The following MUSK variants were observed in gnomAD, a reference collection of about 807,000 sequenced individuals.
The protein encoded by MUSK is muscle, skeletal receptor tyrosine-protein kinase.
Under a neutral mutation model 88.7 loss-of-function variants are expected in MUSK, and 55 were observed. The observed-to-expected ratio is 0.62, with a 90% CI of 0.50 to 0.78. The LOEUF (loss-of-function observed/expected upper bound fraction) is 0.78. Ranked by LOEUF, MUSK falls within the 30% of genes least tolerant of loss-of-function variation. The pLI is 0.00. For synonymous variants in MUSK, 387 were observed against 391.9 expected (o/e 0.99, Z 0.15); for missense variants, 1,015 against 1,074.3 (o/e 0.94, Z 0.77).
intron 11 of MUSK, among the ~76,000 whole-genome samples, chr9:110,781,672 A>G (rs1306957149): frequency 1.3e-5 from 2 of 152,198 alleles, no homozygotes; most frequent in Admixed American, 6.5e-5. Context: ...TCTGGAGTCC[A>G]AGAAGTCCAA....
chr9:110,676,989 T>C (rs2076039577), intron 1 of MUSK, among the ~76,000 whole-genome samples: 1 of 152,208 alleles, frequency 6.6e-6, no homozygotes, highest in South Asian at 2.1e-4. Flanking sequence ...TGCATCCATC[T>C]TGTCCTCCTT....
intron 7 of MUSK, among the ~76,000 whole-genome samples, chr9:110,755,988 A>G (rs978756183): frequency 2.8e-5 from 4 of 143,248 alleles, no homozygotes; most frequent in Non-Finnish European, 4.5e-5. Context: ...ACATATATAT[A>G]TATATATATG....
Position 110,697,345 on chromosome 9 carries a change from T to C in MUSK, c.507T>C (p.Val169=). The part of the protein sequence containing the change: ...SPLRENSRIA[V]LESGSLRIHN... ...GGCAGGAAAATTCCCGAATTGCAGTTCTTGAATCTGGGAGCTTGAGGATTC... is the reference window on the plus strand; with the variant it reads ...GGCAGGAAAATTCCCGAATTGCAGTCCTTGAATCTGGGAGCTTGAGGATTC... The change falls in exon 5 of 15, where the codon GTT becomes GTC. Residue 169 remains valine, a synonymous_variant. Coordinates refer to ENST00000374448, the MANE Select transcript of MUSK (RefSeq NM_005592.4). The C allele has an allele frequency of 6.2e-7, 1 of 1,612,892 alleles. No individual in the cohort carries two copies. Among genetic ancestry groups the C allele is most frequent in the Non-Finnish European group, 8.5e-7 (1 of 1,179,252 alleles).
intron 5 of MUSK, among the ~76,000 whole-genome samples, chr9:110,701,345 G>A (rs2076497554): frequency 6.6e-6 from 1 of 152,130 alleles, no homozygotes; most frequent in Non-Finnish European, 1.5e-5. Context: ...CATAAATGTT[G>A]GAGTTTTGTC....
Position 110,689,238 on chromosome 9 carries a change from AATAT to A in MUSK, c.358+1974_358+1977del, listed in dbSNP as rs369000848. Among the ~76,000 whole-genome samples the A allele has an allele frequency of 7.2e-3, 320 of 44,742 alleles. 1 individual carries two copies. The highest frequency in any genetic ancestry group is 0.047 in the African/African-American group (247 of 5,206). 29.4% of individuals were successfully genotyped at this position (44,742 alleles called of 152,430 possible). A position where few individuals can be genotyped will look rare whatever the true frequency, so the allele number is the denominator to read the frequency against. ...ATAATATATAATATATAAATATATAAATATATAAACTATATATTTATATATTGTA... is the reference window on the plus strand; with the variant it reads ...ATAATATATAATATATAAATATATAAATAAACTATATATTTATATATTGTA... On this transcript the variant is annotated intron_variant, in intron 3 of 14. Coordinates refer to ENST00000374448, the MANE Select transcript of MUSK (RefSeq NM_005592.4).
chr9:110,724,148 G>C (rs565019073), intron 5 of MUSK, among the ~76,000 whole-genome samples: 1 of 151,894 alleles, frequency 6.6e-6, no homozygotes, highest in East Asian at 1.9e-4. Context: ...AATTTTGCCT[G>C]TTTGTTTTAT....
chr9:110,776,051 T>C (rs1244814344), intron 10 of MUSK, 88 bp downstream of exon 10: 19 of 1,407,444 alleles, frequency 1.3e-5, no homozygotes, highest in South Asian at 3.0e-5. Context: ...GCTTCTAATA[T>C]TTCTAGGCAT....
chr9:110,694,407 C>CAA lies in MUSK; in HGVS notation c.359-990_359-989dup, dbSNP rs1206302969. On this transcript the variant is annotated intron_variant, in intron 3 of 14. Coordinates refer to ENST00000374448, the MANE Select transcript of MUSK (RefSeq NM_005592.4). ...TCTCAAAAAAAAAAAAAAAAAAAAA[C>CAA]AAAAAAACAAAACCCAACAGGTCAT... 3.8e-3 allele frequency among the ~76,000 whole-genome samples: 402 copies of CAA among 105,370 alleles called. 1 individual carries two copies. Among genetic ancestry groups the CAA allele is most frequent in the African/African-American group, 0.014 (372 of 26,984 alleles). 69.1% of individuals were successfully genotyped at this position (105,370 alleles called of 152,430 possible).
At chr9:110,736,814 G>A (rs1587973747) in intron 6 of MUSK, among the ~76,000 whole-genome samples, 1 of 152,154 alleles carries the variant, frequency 6.6e-6, no homozygotes, top group African/African-American at 2.4e-5. Context: ...AGGGACAAGA[G>A]GTTACTGCTA....
At chr9:110,727,673 CA>C (rs2076905616) in intron 5 of MUSK, 1 of 182,432 alleles carries the variant, frequency 5.5e-6, no homozygotes, top group Non-Finnish European at 1.2e-5. Flanking sequence ...TTCAGGTCCA[CA>C]AACTCAGGCT....
At chr9:110,782,616 A>G (rs900414856) in intron 11 of MUSK, among the ~76,000 whole-genome samples, 1 of 152,204 alleles carries the variant, frequency 6.6e-6, no homozygotes, top group Non-Finnish European at 1.5e-5. Context: ...AACTCCAAAT[A>G]CAAAAATAGT....
chr9:110,781,300 G>T (rs933029490), intron 11 of MUSK, among the ~76,000 whole-genome samples: 2 of 150,504 alleles, frequency 1.3e-5, no homozygotes, highest in African/African-American at 5.0e-5. Flanking sequence ...TGTTTGAGAC[G>T]GAGTCTCACT....
intron 11 of MUSK, among the ~76,000 whole-genome samples, chr9:110,777,266 G>C (rs2077685788): frequency 6.6e-6 from 1 of 152,114 alleles, no homozygotes; most frequent in African/African-American, 2.4e-5. Context: ...GAAATCCTCA[G>C]GATGAAATTA....
intron 8 of MUSK, among the ~76,000 whole-genome samples, chr9:110,765,947 G>C (rs1411200776): frequency 1.3e-5 from 2 of 151,974 alleles, no homozygotes; most frequent in Non-Finnish European, 2.9e-5. Flanking sequence ...GACACAAAGG[G>C]TATGATCTAA....
intron 1 of MUSK, among the ~76,000 whole-genome samples, chr9:110,676,570 G>A (rs1000190299): frequency 6.6e-6 from 1 of 151,874 alleles, no homozygotes; most frequent in Non-Finnish European, 1.5e-5. Flanking sequence ...CCTGCTGACA[G>A]GCCCCAGTGT....
chr9:110,684,291 A>G (rs2076167325), intron 2 of MUSK, among the ~76,000 whole-genome samples: 1 of 151,988 alleles, frequency 6.6e-6, no homozygotes, highest in Admixed American at 6.6e-5. Context: ...AAATGAGTTC[A>G]CTGCAGGTGC....
At chr9:110,754,404 T>A (rs2077285722) in intron 7 of MUSK, among the ~76,000 whole-genome samples, 1 of 152,220 alleles carries the variant, frequency 6.6e-6, no homozygotes, top group Non-Finnish European at 1.5e-5. Context: ...ATTTTGAGAA[T>A]TTTTTAAAAT....
intron 5 of MUSK, among the ~76,000 whole-genome samples, chr9:110,707,148 G>A (rs1253069531): frequency 1.3e-5 from 2 of 152,228 alleles, no homozygotes; most frequent in South Asian, 4.2e-4. Flanking sequence ...CCAGGAGTTC[G>A]AGACAAGCCT....
At chr9:110,797,281 A>T (rs1002419005) in intron 14 of MUSK, among the ~76,000 whole-genome samples, 2 of 128,750 alleles carry the variant, frequency 1.6e-5, no homozygotes, top group African/African-American at 5.3e-5. Context: ...CACAAATAAA[A>T]AACAAACAAA....
Sources: allele counts gnomAD v4.1 joint callset (sites outside exome capture counted in the v4.1 genomes callset), GRCh38; gene constraint gnomAD v4.1.1; transcripts MANE v1.5; gene names NCBI Gene and HGNC (gene_info 2026-07-23, HGNC 2026-07-21).